Variants in GRM8 observed in about 807,000 individuals in gnomAD.
The protein encoded by GRM8 is metabotropic glutamate receptor 8.
A neutral mutation model predicts 87.2 loss-of-function variants in GRM8; 47 were observed. The observed-to-expected ratio is 0.54, with a 90% confidence interval of 0.43 to 0.69. The LOEUF (loss-of-function observed/expected upper bound fraction) is 0.69. Among genes scored for constraint, GRM8 ranks in the 30% least tolerant of loss-of-function variants. The pLI is 0.00. For synonymous variants in GRM8, 396 were observed against 404.5 expected (o/e 0.98, Z 0.25); for missense variants, 1,019 against 1,139.2 (o/e 0.89, Z 1.52).
intron 2 of GRM8, among the ~76,000 whole-genome samples, chr7:127,218,513 G>A (rs1414770236): frequency 6.6e-6 from 1 of 152,196 alleles, no homozygotes; most frequent in Non-Finnish European, 1.5e-5. Flanking sequence ...GTAAGGTGAG[G>A]ATAATAAGCA....
At chr7:127,075,819 G>A in intron 3 of GRM8, 1 of 178,992 alleles carries the variant, frequency 5.6e-6, no homozygotes, top group African/African-American at 2.4e-5. Context: ...GAAAGAAAGA[G>A]GGCAAAACAG....
intron 6 of GRM8, among the ~76,000 whole-genome samples, chr7:126,887,902 G>A (rs1800652685): frequency 6.6e-6 from 1 of 151,876 alleles, no homozygotes; most frequent in Non-Finnish European, 1.5e-5. Flanking sequence ...ACAGTTTCCT[G>A]GACTCTACTG....
chr7:126,439,240 T>A, intron 10 of GRM8, 72 bp from the exon 11 acceptor site: 1 of 894,380 alleles, frequency 1.1e-6, no homozygotes, highest in Non-Finnish European at 1.9e-6. Flanking sequence ...GATTTTAAAA[T>A]TCAAGTCCTG....
In GRM8 at chr7:126,778,354, G is replaced by C. The variant is rs184883453; in HGVS notation, c.1157-8289C>G. ...TGGCAGGAAATAGAAAGTGCTTCAGGCAGGTGCCAGGTGTCCCCTTCAGGT... is the reference window on the plus strand; with the variant it reads ...TGGCAGGAAATAGAAAGTGCTTCAGCCAGGTGCCAGGTGTCCCCTTCAGGT... On this transcript the variant is annotated intron_variant, in intron 6 of 10. Coordinates refer to ENST00000339582, the MANE Select transcript of GRM8 (RefSeq NM_000845.3). Among the ~76,000 whole-genome samples the C allele has an allele frequency of 6.1e-4, 93 of 152,230 alleles. 1 individual carries two copies. The highest frequency in any genetic ancestry group is 6.9e-4 in the Non-Finnish European group (47 of 68,022).
intron 3 of GRM8, among the ~76,000 whole-genome samples, chr7:126,999,384 G>T (rs1386338197): frequency 6.6e-6 from 1 of 151,590 alleles, no homozygotes; most frequent in South Asian, 2.1e-4. Context: ...GCAAAAATGG[G>T]CAAATGGGAT....
chr7:126,869,163 T>A (rs2130882419), intron 6 of GRM8: 1 of 152,344 alleles, frequency 6.6e-6, no homozygotes, highest in Middle Eastern at 3.4e-3. Flanking sequence ...CAGCTCCTCA[T>A]CTGTTCAAGT....
intron 6 of GRM8, among the ~76,000 whole-genome samples, chr7:126,900,576 C>T (rs549448225): frequency 6.6e-6 from 1 of 152,162 alleles, no homozygotes; most frequent in Non-Finnish European, 1.5e-5. Context: ...GTGGTGCAAT[C>T]TCAGCTCACT....
At chr7:127,032,558 G>A (rs1817479236) in intron 3 of GRM8, among the ~76,000 whole-genome samples, 1 of 152,100 alleles carries the variant, frequency 6.6e-6, no homozygotes, top group Admixed American at 6.6e-5. Context: ...CCTGTACTTT[G>A]TAAAGGTTCA....
intron 7 of GRM8, among the ~76,000 whole-genome samples, chr7:126,634,729 C>T (rs1801679658): frequency 6.6e-6 from 1 of 152,036 alleles, no homozygotes; most frequent in Non-Finnish European, 1.5e-5. Context: ...GAAATGATTA[C>T]TAATATTATC....
chr7:126,588,000 C>A (rs924323025), intron 8 of GRM8, among the ~76,000 whole-genome samples: 1 of 151,992 alleles, frequency 6.6e-6, no homozygotes, highest in Admixed American at 6.6e-5. Flanking sequence ...ACTGCGGTCT[C>A]CTCTGATTCC....
At chr7:127,129,851 AATC>A (rs1220514656) in intron 2 of GRM8, among the ~76,000 whole-genome samples, 1 of 152,194 alleles carries the variant, frequency 6.6e-6, no homozygotes, top group African/African-American at 2.4e-5. Context: ...GAAGCTATTC[AATC>A]TCTGAGTCAT....
In GRM8 at chr7:126,691,137, C is replaced by CCTG. The variant is rs563302416; in HGVS notation, c.1357+78725_1357+78727dup. ...TCCAGGCTATTCATGCCAAGGGGTG[C>CCTG]CTGCAAGCCAACACTGAGCTGCCCT... On this transcript the variant is annotated intron_variant, in intron 7 of 10. Coordinates refer to ENST00000339582, the MANE Select transcript of GRM8 (RefSeq NM_000845.3). 4.5e-3 allele frequency among the ~76,000 whole-genome samples: 690 copies of CCTG among 152,328 alleles called. 10 individuals carry two copies. Among genetic ancestry groups the CCTG allele is most frequent in the South Asian group, 0.042 (202 of 4,828 alleles).
At chr7:127,008,153 C>T (rs1188753381) in intron 3 of GRM8, among the ~76,000 whole-genome samples, 1 of 151,954 alleles carries the variant, frequency 6.6e-6, no homozygotes, top group Non-Finnish European at 1.5e-5. Context: ...CTGGCAGAGG[C>T]TTTAAATAGG....
intron 3 of GRM8, among the ~76,000 whole-genome samples, chr7:127,002,199 AAAG>A (rs1018020585): frequency 5.3e-5 from 8 of 151,670 alleles, no homozygotes; most frequent in African/African-American, 1.4e-4. Flanking sequence ...ATGCCTCAGT[AAAG>A]AAGATTTTAA....
At chr7:126,903,440 A>G (rs1802297467) in intron 5 of GRM8, among the ~76,000 whole-genome samples, 1 of 151,776 alleles carries the variant, frequency 6.6e-6, no homozygotes, top group African/African-American at 2.4e-5. Context: ...ACAATGCTAT[A>G]ACCACCATAA....
chr7:126,748,436 T>C (rs1012996679), intron 7 of GRM8, among the ~76,000 whole-genome samples: 18 of 151,926 alleles, frequency 1.2e-4, no homozygotes, highest in Non-Finnish European at 5.9e-5. Context: ...ACAAAATATA[T>C]GGAATACCTA....
intron 7 of GRM8, among the ~76,000 whole-genome samples, chr7:126,662,295 T>C (rs1373144964): frequency 6.6e-6 from 1 of 151,928 alleles, no homozygotes; most frequent in Non-Finnish European, 1.5e-5. Context: ...AGTGTGAAAA[T>C]GAAAGAAACC....
intron 3 of GRM8, among the ~76,000 whole-genome samples, chr7:126,930,849 C>T (rs1292629368): frequency 6.6e-6 from 1 of 152,192 alleles, no homozygotes; most frequent in Non-Finnish European, 1.5e-5. Flanking sequence ...TTGCTCTTTG[C>T]TATGCCCTGG....
intron 8 of GRM8, among the ~76,000 whole-genome samples, chr7:126,535,300 G>A (rs1180209255): frequency 2.0e-5 from 3 of 152,046 alleles, no homozygotes; most frequent in African/African-American, 4.8e-5. Flanking sequence ...TTTTGGTTTC[G>A]GCCTTGCTCT....
Sources: gnomAD v4.1 joint callset for allele counts (sites outside exome capture counted in the v4.1 genomes callset) on GRCh38, gnomAD v4.1.1 for gene constraint, MANE v1.5 for transcripts, NCBI Gene and HGNC (gene_info 2026-07-23, HGNC 2026-07-21) for gene names.